The following EIPR1 variants were observed in gnomAD, a reference collection of about 807,000 sequenced individuals.
The protein encoded by EIPR1 is EARP complex and GARP complex interacting protein 1.
A neutral mutation model predicts 48.1 loss-of-function variants in EIPR1; 25 were observed. The ratio of observed to expected loss-of-function variants is 0.52; its 90% CI spans 0.38 to 0.73. The LOEUF (loss-of-function observed/expected upper bound fraction) is 0.73. Among genes scored for constraint, EIPR1 ranks in the 30% least tolerant of loss-of-function variants. The pLI, the probability that EIPR1 is intolerant of heterozygous loss-of-function variation, is 0.00. For missense variants in EIPR1, 415 were observed against 506.2 expected (o/e 0.82, Z 1.73); for synonymous variants, 204 against 201.9 (o/e 1.01, Z -0.09).
At chr2:3,246,784 AAACG>A in intron 4 of EIPR1, among the ~76,000 whole-genome samples, 2 of 84,640 alleles carry the variant, frequency 2.4e-5, no homozygotes, top group South Asian at 5.1e-4. Context: ...AGAAAGGGAG[AAACG>A]GAGGGAGGGA....
At chr2:3,271,774 T>A (rs930673588) in intron 3 of EIPR1, among the ~76,000 whole-genome samples, 2 of 152,222 alleles carry the variant, frequency 1.3e-5, no homozygotes, top group African/African-American at 4.8e-5. Flanking sequence ...TGGCTTCAAC[T>A]TAAAAGTCAA....
intron 3 of EIPR1, among the ~76,000 whole-genome samples, chr2:3,284,214 C>G (rs1668106504): frequency 7.2e-6 from 1 of 139,576 alleles, no homozygotes; most frequent in South Asian, 2.3e-4. Flanking sequence ...GGAGATGGGG[C>G]CGGAGGCCGC....
intron 5 of EIPR1, among the ~76,000 whole-genome samples, chr2:3,197,979 T>A (rs1046552334): frequency 1.3e-5 from 2 of 152,196 alleles, no homozygotes; most frequent in African/African-American, 4.8e-5. Flanking sequence ...TGCTGGAGTT[T>A]ATTCAGCATC....
chr2:3,218,721 A>C (rs1290636911), intron 4 of EIPR1, among the ~76,000 whole-genome samples: 2 of 149,712 alleles, frequency 1.3e-5, no homozygotes, highest in African/African-American at 5.0e-5. Context: ...TACGCTCTAG[A>C]GCTTTCACAG....
intron 3 of EIPR1, among the ~76,000 whole-genome samples, chr2:3,318,560 G>T (rs937214952): frequency 1.3e-5 from 2 of 152,216 alleles, no homozygotes; most frequent in African/African-American, 4.8e-5. Context: ...ACAGGAGTCG[G>T]CCTCGAAAAA....
intron 1 of EIPR1, among the ~76,000 whole-genome samples, chr2:3,375,391 A>T (rs1333034430): frequency 3.9e-5 from 6 of 152,118 alleles, no homozygotes; most frequent in African/African-American, 1.4e-4. Context: ...AATAATTTAA[A>T]AAAAAAAGAG....
chr2:3,227,988 GC>G (rs1240868237), intron 4 of EIPR1, among the ~76,000 whole-genome samples: 1 of 152,278 alleles, frequency 6.6e-6, no homozygotes, highest in African/African-American at 2.4e-5. Context: ...AAGGGGCAGA[GC>G]CCTTATGAAG....
At chr2:3,347,608 G>C (rs928759918) in intron 2 of EIPR1, among the ~76,000 whole-genome samples, 2 of 152,190 alleles carry the variant, frequency 1.3e-5, no homozygotes, top group African/African-American at 2.4e-5. Context: ...CATGAAAACA[G>C]ACTGATACAG....
rs558474480 is a variant in EIPR1, at chr2:3,336,268, C to G, written c.259+1749G>C. ...AAGCCTCAGGAAATCTACTGAAGAC[C>G]CACAGATTCTTGAGAAATGTGTTTC... is the stretch of plus-strand genomic sequence containing the variant. On this transcript the variant is annotated intron_variant, in intron 3 of 8. Transcript: ENST00000382125. Among the ~76,000 whole-genome samples the G allele has an allele frequency of 3.9e-5, 6 of 152,234 alleles. No individual in the cohort carries two copies. The South Asian group carries it at 1.2e-3, about 32-fold the overall frequency.
At chr2:3,194,721 G>A (rs1664750008) in intron 6 of EIPR1, among the ~76,000 whole-genome samples, 1 of 151,642 alleles carries the variant, frequency 6.6e-6, no homozygotes, top group Non-Finnish European at 1.5e-5. Flanking sequence ...GGAAGGCCAT[G>A]GAAGCAGGAA....
chr2:3,242,897 A>G (rs1383828892), intron 4 of EIPR1, among the ~76,000 whole-genome samples: 1 of 152,198 alleles, frequency 6.6e-6, no homozygotes, highest in African/African-American at 2.4e-5. Flanking sequence ...CCACACGTGC[A>G]AGAAGTATAA....
In EIPR1 at chr2:3,246,834, AAGG is replaced by A. The variant is rs1271247751; in HGVS notation, c.416+10462_416+10464del. ...GAGGGAGGGAGGGAGGAAGGGAGGG[AAGG>A]AGGAAGGGAGGGAAGGAGGAAGGGA... On this transcript the variant is annotated intron_variant, in intron 4 of 8. Coordinates refer to ENST00000382125, the MANE Select transcript of EIPR1 (RefSeq NM_003310.5). 6.4e-3 allele frequency among the ~76,000 whole-genome samples: 330 copies of A among 51,464 alleles called. 1 individual carries two copies. Among genetic ancestry groups the A allele is most frequent in the Middle Eastern group, 0.018 (1 of 56 alleles). 33.8% of individuals were successfully genotyped at this position (51,464 alleles called of 152,430 possible).
chr2:3,219,271 A>G (rs1665775887), intron 4 of EIPR1, among the ~76,000 whole-genome samples: 1 of 142,414 alleles, frequency 7.0e-6, no homozygotes, highest in Non-Finnish European at 1.5e-5. Context: ...TGCACACTCA[A>G]CACGACCCTG....
At chr2:3,257,996 C>T (rs1306084875) in intron 3 of EIPR1, among the ~76,000 whole-genome samples, 8 of 152,234 alleles carry the variant, frequency 5.3e-5, no homozygotes, top group African/African-American at 1.9e-4. Flanking sequence ...TCAGAGGCAT[C>T]GCATGCTGAG....
At chr2:3,337,968 A>G in intron 3 of EIPR1, 49 bp downstream of exon 3, 1 of 1,552,128 alleles carries the variant, frequency 6.4e-7, no homozygotes, top group East Asian at 2.3e-5. Flanking sequence ...CTTAGGAAAT[A>G]CCTCCAGTTA....
chr2:3,294,851 T>TAC (rs1668492704), intron 3 of EIPR1, among the ~76,000 whole-genome samples: 4 of 44,300 alleles, frequency 9.0e-5, no homozygotes, highest in African/African-American at 1.7e-4. Flanking sequence ...TCTCTCCACA[T>TAC]ACCCTCCATC....
chr2:3,330,208 A>C (rs1184036032), intron 3 of EIPR1, among the ~76,000 whole-genome samples: 2 of 152,268 alleles, frequency 1.3e-5, no homozygotes, highest in Non-Finnish European at 2.9e-5. Flanking sequence ...GTATAACCTC[A>C]GCTAAATGCA....
rs907841574 is a variant in EIPR1, at chr2:3,312,025, A to G, written c.259+25992T>C. Among the ~76,000 whole-genome samples, 1 of 152,114 alleles carries G rather than the reference A, an allele frequency of 6.6e-6. No homozygotes were observed. Among genetic ancestry groups the G allele is most frequent in the African/African-American group, 2.4e-5 (1 of 41,412 alleles). ...TCACTCTCGTGCTGACATACAAATG[A>G]CACCCTCCACCCTATAGCTTTCATT... On this transcript the variant is annotated intron_variant, in intron 3 of 8. Transcript: ENST00000382125. The surrounding 1 kb of genome is among the most constrained non-coding windows in gnomAD (Gnocchi z 5.5).
Position 3,257,498 on chromosome 2 carries a change from G to A in EIPR1, c.260-43C>T, listed in dbSNP as rs759696012. ...ATGGATAATGTCAACAGAGCACGGT[G>A]TGCCCCGCATTCTGCAGACAGCACA... On this transcript the variant is annotated intron_variant, in intron 3 of 8. Coordinates refer to ENST00000382125, the MANE Select transcript of EIPR1 (RefSeq NM_003310.5). 2.5e-6 allele frequency: 4 copies of A among 1,605,806 alleles called. No individual in the cohort carries two copies. In the South Asian group the frequency reaches 3.3e-5, roughly 13 times the overall value.
Sources: gnomAD v4.1 joint callset for allele counts (sites outside exome capture counted in the v4.1 genomes callset) on GRCh38, gnomAD v4.1.1 for gene constraint, Gnocchi (gnomAD v3.1) non-coding constraint, MANE v1.5 for transcripts, NCBI Gene and HGNC (gene_info 2026-07-23, HGNC 2026-07-21) for gene names.